ITIH5: variants seen among roughly 807,000 people sequenced by gnomAD.
ITIH5 encodes the protein inter-alpha-trypsin inhibitor heavy chain H5.
A neutral mutation model predicts 77.5 loss-of-function variants in ITIH5; 65 were observed. The observed-to-expected ratio is 0.84, with a 90% CI of 0.69 to 1.03. The LOEUF (loss-of-function observed/expected upper bound fraction) is 1.03, where lower values mean the gene tolerates loss of function less well. Among genes scored for constraint, ITIH5 ranks in the 50% least tolerant of loss-of-function variants. The pLI, the probability that ITIH5 is intolerant of heterozygous loss-of-function variation, is 0.00. For missense variants in ITIH5, 1,208 were observed against 1,213.1 expected (o/e 1.00, Z 0.06); for synonymous variants, 525 against 494.3 (o/e 1.06, Z -0.82).
intron 2 of ITIH5, among the ~76,000 whole-genome samples, chr10:7,647,674 ATTTCC>A (rs1834028678): frequency 6.6e-6 from 1 of 152,152 alleles, no homozygotes; most frequent in South Asian, 2.1e-4. Context: ...TTTATTAGTT[ATTTCC>A]AACTCTATGT....
At chr10:7,566,504 G>T in intron 12 of ITIH5, 97 bp from the exon 13 acceptor site, 1 of 1,228,522 alleles carries the variant, frequency 8.1e-7, no homozygotes, top group Non-Finnish European at 1.1e-6. Context: ...AGGGCAGGTG[G>T]ATTGCCTGAG....
chr10:7,606,689 T>G (rs2131016625), intron 7 of ITIH5, among the ~76,000 whole-genome samples: 1 of 152,248 alleles, frequency 6.6e-6, no homozygotes, highest in Non-Finnish European at 1.5e-5. Context: ...CAACACACAA[T>G]TTATCCATAT....
rs573506945 is a variant in ITIH5 at position 7,587,512 on chromosome 10, T to C, written c.940-1443A>G. Among the ~76,000 whole-genome samples the C allele has an allele frequency of 4.7e-4, 71 of 152,368 alleles. 1 individual carries two copies. The highest frequency in any genetic ancestry group is 3.7e-3 in the Admixed American group (56 of 15,308). The stretch of plus-strand genomic sequence containing the variant: ...GGCTGGGTTCATCCCCGACTCTCCG[T>C]GGGGCCCTGGGGCCCTGAGCAGTAA... On this transcript the variant is annotated intron_variant, in intron 7 of 13. Transcript: ENST00000397146.
intron 2 of ITIH5, among the ~76,000 whole-genome samples, chr10:7,650,488 C>A (rs779097755): frequency 1.2e-4 from 19 of 152,160 alleles, no homozygotes; most frequent in Non-Finnish European, 2.5e-4. Context: ...GTAATCCCAG[C>A]ACTTTGGGGG....
chr10:7,658,561 G>T (rs1273149601), intron 1 of ITIH5, among the ~76,000 whole-genome samples: 1 of 152,162 alleles, frequency 6.6e-6, no homozygotes, highest in Non-Finnish European at 1.5e-5. Context: ...GGGTGTCGGG[G>T]CACAGCTGCT....
intron 13 of ITIH5, among the ~76,000 whole-genome samples, 177 bp downstream of exon 13, chr10:7,565,853 A>C (rs1832141894): frequency 6.6e-6 from 1 of 150,756 alleles, no homozygotes; most frequent in Non-Finnish European, 1.5e-5. Context: ...ATATATGTAT[A>C]GACTATATAT....
intron 7 of ITIH5, among the ~76,000 whole-genome samples, chr10:7,603,240 A>G (rs1833051433): frequency 6.6e-6 from 1 of 152,264 alleles, no homozygotes. Context: ...GCAGATGCAC[A>G]CTACGACATG....
intron 2 of ITIH5, among the ~76,000 whole-genome samples, chr10:7,653,262 A>G (rs916631522): frequency 3.3e-5 from 5 of 152,232 alleles, no homozygotes; most frequent in African/African-American, 1.2e-4. Context: ...GCTAGAGTGC[A>G]GTGGTGCAAT....
chr10:7,608,372 T>C (rs1564257770), intron 7 of ITIH5, among the ~76,000 whole-genome samples: 1 of 152,154 alleles, frequency 6.6e-6, no homozygotes, highest in East Asian at 1.9e-4. Flanking sequence ...CTCGACCTCC[T>C]GGGCTCAAGC....
At chr10:7,666,754 G>A in intron 1 of ITIH5, 49 bp downstream of exon 1, 4 of 1,500,468 alleles carry the variant, frequency 2.7e-6, no homozygotes, top group Non-Finnish European at 2.7e-6. Context: ...GCCGGCGGAG[G>A]GAAGGGGGCG....
chr10:7,660,866 T>C (rs1450479873), intron 1 of ITIH5, among the ~76,000 whole-genome samples: 4 of 152,232 alleles, frequency 2.6e-5, no homozygotes, highest in Non-Finnish European at 5.9e-5. Flanking sequence ...CATTCTTCTT[T>C]TGAGCTATAA....
In ITIH5 at chr10:7,569,739, A is replaced by G; in HGVS notation, c.2078T>C (p.Leu693Pro). 6.2e-7 allele frequency: 1 copy of G among 1,613,030 alleles called. No homozygotes were observed. Among genetic ancestry groups the G allele is most frequent in the Non-Finnish European group, 8.5e-7 (1 of 1,179,630 alleles). The change falls in exon 12 of 14, where the codon CTC becomes CCC. Residue 693 changes from leucine (L) to proline (P), a missense_variant. Transcript: ENST00000397146. ...HFVVDFPLSR[L>P]TVCFNIDGQP... ...CCCATCAATGTTGAAGCACACGGTG[A>G]GTCTGCTCAGGGGGAAATCCACAAC...
chr10:7,580,182 G>A (rs896643651), intron 8 of ITIH5, 118 bp from the exon 9 acceptor site: 33 of 841,700 alleles, frequency 3.9e-5, no homozygotes, highest in African/African-American at 1.4e-4. Context: ...GTGCAATGGC[G>A]CAATCTGCAC....
chr10:7,617,211 T>C lies in ITIH5; in HGVS notation c.724A>G (p.Thr242Ala), dbSNP rs1833386190. Reference protein sequence around the residue: ...ETFANIIFKPTVVQQARIAQN... With the variant: ...ETFANIIFKPAVVQQARIAQN... The stretch of plus-strand genomic sequence containing the variant: ...GCAATCCTGGCTTGTTGTACTACAG[T>C]AGGTTTAAAAATTATGTTGGCAAAT... The change falls in exon 6 of 14, where the codon ACT becomes GCT. Residue 242 changes from threonine (T) to alanine (A), a missense_variant. Thr to Ala is a moderately conservative substitution (Grantham distance 58). Transcript: ENST00000397146. 1.2e-6 allele frequency: 2 copies of C among 1,603,074 alleles called. No homozygotes were observed. Among genetic ancestry groups the C allele is most frequent in the African/African-American group, 1.3e-5 (1 of 74,464 alleles).
chr10:7,619,097 C>T (rs193217162), intron 5 of ITIH5: 1 of 152,264 alleles, frequency 6.6e-6, no homozygotes, highest in Non-Finnish European at 1.5e-5. Context: ...ACAGGTGGCA[C>T]AGCCCAGGTC....
intron 7 of ITIH5, among the ~76,000 whole-genome samples, chr10:7,586,498 C>T (rs1293227626): frequency 6.6e-6 from 1 of 152,126 alleles, no homozygotes; most frequent in African/African-American, 2.4e-5. Context: ...CTTAGGCTGG[C>T]AAAGCCCTCA....
intron 2 of ITIH5, among the ~76,000 whole-genome samples, chr10:7,645,659 T>C (rs35124577): frequency 0.075 from 11,380 of 152,208 alleles, 637 homozygotes; most frequent in Admixed American, 0.19. Flanking sequence ...AACCTTTGGG[T>C]TTAGGAAATT....
chr10:7,619,493 C>T (rs149197364), intron 5 of ITIH5: 94 of 200,516 alleles, frequency 4.7e-4, no homozygotes, highest in African/African-American at 2.1e-3. Context: ...TAGCTTATAT[C>T]ATTACTGTAT....
At chr10:7,621,803 A>C (rs1039146293) in intron 5 of ITIH5, 3 of 152,062 alleles carry the variant, frequency 2.0e-5, no homozygotes, top group African/African-American at 7.2e-5. Context: ...ATGGGGGCTC[A>C]CCCTGCTTAC....
Sources: gnomAD v4.1 joint callset for allele counts (sites outside exome capture counted in the v4.1 genomes callset) on GRCh38, gnomAD v4.1.1 for gene constraint, MANE v1.5 for transcripts, NCBI Gene and HGNC (gene_info 2026-07-23, HGNC 2026-07-21) for gene names.